Variants in TMEM232 observed in about 807,000 individuals in gnomAD.
TMEM232 encodes the protein transmembrane protein 232.
A neutral mutation model predicts 78.8 loss-of-function variants in TMEM232; 80 were observed. The ratio of observed to expected loss-of-function variants is 1.01; its 90% CI spans 0.85 to 1.22. The LOEUF (loss-of-function observed/expected upper bound fraction) is 1.22. Ranked by LOEUF, TMEM232 falls within the 50% of genes most tolerant of loss-of-function variation. TMEM232 has a pLI of 0.00. For synonymous variants in TMEM232, 297 were observed against 254.3 expected (o/e 1.17, Z -1.60); for missense variants, 881 against 742.2 (o/e 1.19, Z -2.17).
intron 13 of TMEM232, among the ~76,000 whole-genome samples, chr5:110,422,362 CA>C (rs1264493917): frequency 6.7e-6 from 1 of 150,224 alleles, no homozygotes; most frequent in Admixed American, 6.6e-5. Context: ...AAACAAAATA[CA>C]AAAAAAATTA....
chr5:110,725,881 G>A (rs1431669562), intron 1 of TMEM232: 2 of 151,980 alleles, frequency 1.3e-5, no homozygotes, highest in Non-Finnish European at 2.9e-5. Context: ...ATGCATTAGA[G>A]AATATAAGAT....
intron 12 of TMEM232, among the ~76,000 whole-genome samples, chr5:110,518,500 T>A (rs750503417): frequency 1.3e-5 from 2 of 152,230 alleles, no homozygotes; most frequent in Non-Finnish European, 1.5e-5. Flanking sequence ...CAAAAATGTA[T>A]GAAATACACT....
intron 12 of TMEM232, among the ~76,000 whole-genome samples, chr5:110,460,957 TCCCCCATCTCTC>T (rs1368059305): frequency 6.6e-6 from 1 of 152,068 alleles, no homozygotes; most frequent in East Asian, 1.9e-4. Flanking sequence ...GACCAGTTTT[TCCCCCATCTCTC>T]CCCCTCTGCT....
chr5:110,457,974 T>C (rs1467453700), intron 12 of TMEM232, among the ~76,000 whole-genome samples: 4 of 152,158 alleles, frequency 2.6e-5, no homozygotes, highest in Non-Finnish European at 4.4e-5. Context: ...CCAATACTTA[T>C]AATGTATTTA....
chr5:110,554,269 G>C (rs985990708), intron 11 of TMEM232, among the ~76,000 whole-genome samples: 3 of 152,062 alleles, frequency 2.0e-5, no homozygotes, highest in Non-Finnish European at 4.4e-5. Context: ...TGTGAAAAGA[G>C]AGACTGACCT....
In TMEM232 at chr5:110,554,403, T is replaced by C. The variant is rs116401069; in HGVS notation, c.1455+14044A>G. Among the ~76,000 whole-genome samples, 1,387 of 152,274 alleles carry C rather than the reference T, an allele frequency of 9.1e-3. 21 individuals carry two copies. Among genetic ancestry groups the C allele is most frequent in the African/African-American group, 0.032 (1,315 of 41,562 alleles). On this transcript the variant is annotated intron_variant, in intron 11 of 13. Transcript: ENST00000455884. ...CTTGTTCCTCAGCCTACAGGTGGCCTGTTGTGGGACCTTGTGATCATGTGA... is the reference window on the plus strand; with the variant it reads ...CTTGTTCCTCAGCCTACAGGTGGCCCGTTGTGGGACCTTGTGATCATGTGA...
At chr5:110,474,936 T>C (rs1026180012) in intron 12 of TMEM232, among the ~76,000 whole-genome samples, 2 of 152,008 alleles carry the variant, frequency 1.3e-5, no homozygotes, top group Admixed American at 6.6e-5. Flanking sequence ...TTTTTCAATA[T>C]AGTATTGAAA....
chr5:110,699,263 C>T (rs1030022845), intron 1 of TMEM232, among the ~76,000 whole-genome samples: 21 of 152,044 alleles, frequency 1.4e-4, no homozygotes, highest in African/African-American at 4.6e-4. Context: ...TAGCAATACA[C>T]CTTTGACCTT....
chr5:110,578,761 C>T (rs954036628), intron 10 of TMEM232, among the ~76,000 whole-genome samples: 2 of 151,746 alleles, frequency 1.3e-5, no homozygotes, highest in South Asian at 2.1e-4. Flanking sequence ...TCTTTTCTAT[C>T]GTGGAAACAT....
intron 12 of TMEM232, among the ~76,000 whole-genome samples, chr5:110,501,563 T>C (rs989834692): frequency 6.6e-6 from 1 of 152,144 alleles, no homozygotes; most frequent in Admixed American, 6.5e-5. Context: ...GAATGCAGCA[T>C]AGGTGACCAT....
intron 12 of TMEM232, among the ~76,000 whole-genome samples, chr5:110,465,539 TTTGA>T (rs1202754594): frequency 6.6e-6 from 1 of 152,206 alleles, no homozygotes; most frequent in Admixed American, 6.5e-5. Flanking sequence ...TGATAAAAAT[TTTGA>T]TTTTCATTGC....
At chr5:110,470,040 G>A (rs1242701721) in intron 12 of TMEM232, among the ~76,000 whole-genome samples, 1 of 152,082 alleles carries the variant, frequency 6.6e-6, no homozygotes, top group Non-Finnish European at 1.5e-5. Flanking sequence ...TGCTGCATCT[G>A]GCTTCACAGA....
At chr5:110,508,930 TTATA>T (rs200019203) in intron 12 of TMEM232, among the ~76,000 whole-genome samples, 3 of 137,902 alleles carry the variant, frequency 2.2e-5, no homozygotes, top group Non-Finnish European at 3.1e-5. Flanking sequence ...ATATATATAA[TTATA>T]TATATACACA....
At chr5:110,735,168 T>A (rs1037634128) in intron 1 of TMEM232, among the ~76,000 whole-genome samples, 13 of 152,266 alleles carry the variant, frequency 8.5e-5, no homozygotes, top group Non-Finnish European at 1.9e-4. Flanking sequence ...TGAATTTATT[T>A]AGCATCAGAA....
intron 1 of TMEM232, among the ~76,000 whole-genome samples, chr5:110,719,121 C>T (rs1037400699): frequency 2.6e-5 from 4 of 151,832 alleles, no homozygotes; most frequent in South Asian, 2.1e-4. Flanking sequence ...GTCATATATG[C>T]AATCATCTTT....
chr5:110,569,705 T>A (rs1361570594), intron 10 of TMEM232, among the ~76,000 whole-genome samples: 1 of 151,944 alleles, frequency 6.6e-6, no homozygotes, highest in Admixed American at 6.6e-5. Flanking sequence ...TAATGCAGGT[T>A]AATAACAATC....
intron 12 of TMEM232, among the ~76,000 whole-genome samples, chr5:110,465,070 A>G (rs1293029153): frequency 2.0e-5 from 3 of 152,246 alleles, no homozygotes; most frequent in Non-Finnish European, 4.4e-5. Flanking sequence ...ACAAATCGAC[A>G]AAGGATAGCA....
At chr5:110,719,269 G>GTATA (rs528011957) in intron 1 of TMEM232, among the ~76,000 whole-genome samples, 1 of 151,250 alleles carries the variant, frequency 6.6e-6, no homozygotes. Flanking sequence ...TATATGTGCT[G>GTATA]TATATATATA....
intron 12 of TMEM232, among the ~76,000 whole-genome samples, chr5:110,463,901 C>T (rs1761803475): frequency 6.6e-6 from 1 of 152,166 alleles, no homozygotes; most frequent in African/African-American, 2.4e-5. Context: ...TTATTTCTAC[C>T]CCTTACACAG....
Sources: allele counts gnomAD v4.1 joint callset (sites outside exome capture counted in the v4.1 genomes callset), GRCh38; gene constraint gnomAD v4.1.1; transcripts MANE v1.5; gene names NCBI Gene and HGNC (gene_info 2026-07-23, HGNC 2026-07-21).